Variants in KANK1 observed in about 807,000 individuals in gnomAD.
KANK1 encodes the protein KN motif and ankyrin repeat domain-containing protein 1.
In KANK1, 109 loss-of-function variants were observed where a neutral mutation model predicts 106.2. That is an observed-to-expected ratio of 1.03 (90% CI 0.88 to 1.20). The LOEUF (loss-of-function observed/expected upper bound fraction) is 1.20. Ranked by LOEUF, KANK1 falls within the 50% of genes most tolerant of loss-of-function variation. The probability of loss-of-function intolerance (pLI) is 0.00; values close to 1 mark genes in which losing one functional copy is unlikely to be tolerated. For missense variants in KANK1, 2,399 were observed against 1,710.7 expected, an observed-to-expected ratio of 1.40 and a Z score of -7.10; for synonymous variants, 873 against 652.2, an observed-to-expected ratio of 1.34 and a Z score of -5.16.
chr9:532,603 C>G (rs9407296), intron 1 of KANK1, among the ~76,000 whole-genome samples: 16,742 of 151,944 alleles, frequency 0.11, 1,284 homozygotes, highest in African/African-American at 0.22. Context: ...TAAATTTAGA[C>G]ATATAGTTGA....
At chr9:585,862 T>A (rs985774681) in intron 1 of KANK1, among the ~76,000 whole-genome samples, 2 of 151,928 alleles carry the variant, frequency 1.3e-5, no homozygotes, top group African/African-American at 4.8e-5. Flanking sequence ...TTATTGGAAA[T>A]TAAAGGAAGA....
chr9:663,608 C>G (rs954087975), intron 1 of KANK1, among the ~76,000 whole-genome samples: 61 of 152,268 alleles, frequency 4.0e-4, no homozygotes, highest in African/African-American at 1.4e-3. Flanking sequence ...AGCAGAACAG[C>G]TGATTTTCCG....
At chr9:597,131 A>T (rs1008930379) in intron 1 of KANK1, among the ~76,000 whole-genome samples, 2 of 151,986 alleles carry the variant, frequency 1.3e-5, no homozygotes, top group East Asian at 3.9e-4. Context: ...ATCTGTTGAT[A>T]GATTTTTGAT....
chr9:494,441 C>A (rs1587253290), intron 3 of KANK1, among the ~76,000 whole-genome samples: 1 of 152,172 alleles, frequency 6.6e-6, no homozygotes, highest in African/African-American at 2.4e-5. Flanking sequence ...TACTGTGTAA[C>A]CACGCTACCT....
At chr9:588,650 G>C (rs1444572191) in intron 1 of KANK1, among the ~76,000 whole-genome samples, 1 of 151,720 alleles carries the variant, frequency 6.6e-6, no homozygotes. Context: ...ATTATCTCTT[G>C]CCTCTAATGC....
At chr9:497,506 C>T (rs2058475659) in intron 3 of KANK1, among the ~76,000 whole-genome samples, 1 of 151,948 alleles carries the variant, frequency 6.6e-6, no homozygotes, top group Admixed American at 6.6e-5. Context: ...TCTTCTCTCA[C>T]AGCTCTGTAA....
intron 7 of KANK1, among the ~76,000 whole-genome samples, chr9:737,998 G>A (rs1221160831): frequency 2.0e-5 from 3 of 152,214 alleles, no homozygotes; most frequent in Non-Finnish European, 2.9e-5. Context: ...AAGCTTTTAG[G>A]TAGCAGAGCC....
chr9:724,460 G>C (rs971667375), intron 3 of KANK1, among the ~76,000 whole-genome samples: 1 of 152,144 alleles, frequency 6.6e-6, no homozygotes, highest in East Asian at 1.9e-4. Flanking sequence ...GTCATTGTTG[G>C]TTATTGAAGA....
chr9:609,233 GA>G (rs1830027563), intron 1 of KANK1, among the ~76,000 whole-genome samples: 1 of 152,094 alleles, frequency 6.6e-6, no homozygotes, highest in South Asian at 2.1e-4. Flanking sequence ...TTTTAATTTA[GA>G]AAACATTTTA....
intron 1 of KANK1, among the ~76,000 whole-genome samples, chr9:527,588 A>T (rs1049263728): frequency 6.6e-6 from 1 of 151,670 alleles, no homozygotes; most frequent in Non-Finnish European, 1.5e-5. Context: ...GGTGTAAGCC[A>T]CTACACTCGG....
At chr9:519,034 G>A (rs1249863606) in intron 1 of KANK1, among the ~76,000 whole-genome samples, 1 of 151,516 alleles carries the variant, frequency 6.6e-6, no homozygotes, top group Non-Finnish European at 1.5e-5. Context: ...GGGATTACAG[G>A]CATGCACCAC....
chr9:693,200 TTA>T (rs769546993), intron 2 of KANK1, among the ~76,000 whole-genome samples: 2 of 152,124 alleles, frequency 1.3e-5, no homozygotes, highest in African/African-American at 2.4e-5. Context: ...AGCCTTCTAA[TTA>T]TATGTTGCAT....
In KANK1 at chr9:744,710, T is replaced by C. The variant is rs760430277; in HGVS notation, c.3996+121T>C. ...TTGATTCAGAAAATGGAAGTTTTAG[T>C]CTGGAGCTTAAGAGTTCATCCTTTC... On this transcript the variant is annotated intron_variant, in intron 11 of 11. Transcript: ENST00000382297. 6.3e-6 allele frequency: 10 copies of C among 1,578,824 alleles called. No homozygotes were observed. In the East Asian group the frequency reaches 6.9e-5, roughly 11 times the overall value.
chr9:613,602 T>C (rs1231274418), intron 1 of KANK1, among the ~76,000 whole-genome samples: 1 of 152,176 alleles, frequency 6.6e-6, no homozygotes, highest in East Asian at 1.9e-4. Context: ...TACATTCTCC[T>C]GTTGTATTCA....
intron 1 of KANK1, among the ~76,000 whole-genome samples, chr9:553,634 C>T (rs1025258789): frequency 6.6e-6 from 1 of 152,238 alleles, no homozygotes; most frequent in Non-Finnish European, 1.5e-5. Context: ...TGAAGCGTTT[C>T]CTTATAAACT....
At chr9:535,231 G>A (rs1330513288) in intron 1 of KANK1, among the ~76,000 whole-genome samples, 1 of 152,082 alleles carries the variant, frequency 6.6e-6, no homozygotes, top group Non-Finnish European at 1.5e-5. Context: ...CTTGCTTTTG[G>A]AATAACCCCA....
At chr9:595,441 G>A (rs1825974670) in intron 1 of KANK1, among the ~76,000 whole-genome samples, 1 of 151,932 alleles carries the variant, frequency 6.6e-6, no homozygotes, top group Admixed American at 6.5e-5. Flanking sequence ...ATCAGAACAA[G>A]AACCCGAGGA....
chr9:600,800 C>G (rs1478503162), intron 1 of KANK1, among the ~76,000 whole-genome samples: 1 of 151,798 alleles, frequency 6.6e-6, no homozygotes, highest in Non-Finnish European at 1.5e-5. Flanking sequence ...ACCCAGTGTT[C>G]GCTTCTTTTG....
chr9:529,615 T>C (rs1038134029), intron 1 of KANK1, among the ~76,000 whole-genome samples: 11 of 152,242 alleles, frequency 7.2e-5, no homozygotes, highest in Admixed American at 7.2e-4. Context: ...CCATGTGTCT[T>C]CAGACTGCTC....
Sources: allele counts gnomAD v4.1 joint callset (sites outside exome capture counted in the v4.1 genomes callset), GRCh38; gene constraint gnomAD v4.1.1; transcripts MANE v1.5; gene names NCBI Gene and HGNC (gene_info 2026-07-23, HGNC 2026-07-21).